The following RCOR1 variants were observed in gnomAD, a reference collection of about 807,000 sequenced individuals.
The protein encoded by RCOR1 is REST corepressor.
RCOR1 carries 12 observed loss-of-function variants against 64.0 expected under a neutral mutation model. That is an observed-to-expected ratio of 0.19 (90% CI 0.12 to 0.30). The LOEUF (loss-of-function observed/expected upper bound fraction) is 0.30. RCOR1 is among the 10% of genes least tolerant of loss of function. The probability of loss-of-function intolerance (pLI) is 1.00; values close to 1 mark genes in which losing one functional copy is unlikely to be tolerated. For missense variants in RCOR1, 502 were observed against 621.2 expected (o/e 0.81, Z 2.04); for synonymous variants, 279 against 227.2 (o/e 1.23, Z -2.05).
intron 2 of RCOR1, among the ~76,000 whole-genome samples, chr14:102,627,526 G>A (rs936636644): frequency 2.1e-4 from 32 of 152,036 alleles, no homozygotes; most frequent in African/African-American, 7.2e-4. Flanking sequence ...GCGTGGTGGC[G>A]GGTGCCTGTA....
At chr14:102,613,742 A>G (rs1893687408) in intron 2 of RCOR1, among the ~76,000 whole-genome samples, 1 of 147,046 alleles carries the variant, frequency 6.8e-6, no homozygotes, top group South Asian at 2.1e-4. Flanking sequence ...TTTTTTAAAG[A>G]GGTGGAGTAT....
rs1298426780 is a variant in RCOR1, at chr14:102,593,054, C to T, written c.168C>T (p.Ala56=). 12 of 1,387,212 alleles carry T rather than the reference C, an allele frequency of 8.7e-6. No homozygotes were observed. Among genetic ancestry groups the T allele is most frequent in the South Asian group, 1.5e-5 (1 of 64,724 alleles). The allele number at this position is 1,387,212 out of a possible 1,614,324, so 85.9% of individuals were successfully genotyped here. ...ASGAAASSAS[A]AAASAAAAPN... is the part of the protein sequence containing the mutation. ...GCGCCGCCGCCTCCTCAGCCTCGGC[C>T]GCCGCCGCCTCAGCCGCCGCCGCCC... The change falls in exon 1 of 12, where the codon GCC becomes GCT. Residue 56 remains alanine, a synonymous_variant. Transcript: ENST00000262241.
chr14:102,651,922 GTC>G (rs1269607338), intron 2 of RCOR1, among the ~76,000 whole-genome samples: 1 of 152,148 alleles, frequency 6.6e-6, no homozygotes, highest in African/African-American at 2.4e-5. Flanking sequence ...GTGGCTGAAG[GTC>G]TCTCAAATTG....
chr14:102,664,327 C>T (rs1018616989), intron 2 of RCOR1, among the ~76,000 whole-genome samples: 9 of 152,042 alleles, frequency 5.9e-5, no homozygotes, highest in African/African-American at 1.7e-4. Flanking sequence ...GTTGTCCAGG[C>T]TGTTCTTGAA....
At chr14:102,632,565 C>A (rs979374814) in intron 2 of RCOR1, among the ~76,000 whole-genome samples, 1 of 151,640 alleles carries the variant, frequency 6.6e-6, no homozygotes, top group Non-Finnish European at 1.5e-5. Flanking sequence ...TTTCTTTTTT[C>A]CCCCCTGCAA....
chr14:102,644,520 C>T (rs1157849366), intron 2 of RCOR1, among the ~76,000 whole-genome samples: 2 of 152,206 alleles, frequency 1.3e-5, no homozygotes, highest in South Asian at 2.1e-4. Flanking sequence ...CTTCTTGTCA[C>T]TTGTGCTCAC....
intron 2 of RCOR1, among the ~76,000 whole-genome samples, chr14:102,607,554 C>T (rs1206114719): frequency 6.6e-6 from 1 of 152,034 alleles, no homozygotes; most frequent in Middle Eastern, 3.4e-3. Flanking sequence ...TGAGACCAGC[C>T]AGGCCAATAT....
intron 6 of RCOR1, among the ~76,000 whole-genome samples, chr14:102,710,166 G>A (rs1895930159): frequency 6.6e-6 from 1 of 152,264 alleles, no homozygotes. Flanking sequence ...GGAGGATGGG[G>A]AGGAGGTGGC....
chr14:102,594,907 C>T (rs1417744185), intron 2 of RCOR1, among the ~76,000 whole-genome samples: 4 of 152,102 alleles, frequency 2.6e-5, no homozygotes, highest in Admixed American at 6.6e-5. Flanking sequence ...AAATCGACTT[C>T]CACAAATCTT....
At chr14:102,627,670 A>AC (rs1555462690) in intron 2 of RCOR1, among the ~76,000 whole-genome samples, 162 of 151,176 alleles carry the variant, frequency 1.1e-3, no homozygotes, top group East Asian at 6.4e-3. Flanking sequence ...AAAAAAAAAA[A>AC]ACACACACAC....
intron 2 of RCOR1, chr14:102,630,191 TTAC>T (rs1894080301): frequency 6.4e-6 from 1 of 157,422 alleles, no homozygotes; most frequent in Admixed American, 6.5e-5. Flanking sequence ...GAGTGAGTTC[TTAC>T]TCCTTTAGTT....
intron 11 of RCOR1, among the ~76,000 whole-genome samples, chr14:102,723,845 C>T (rs993330395): frequency 7.2e-5 from 11 of 152,280 alleles, no homozygotes; most frequent in African/African-American, 2.6e-4. Flanking sequence ...CAGTTGGGAA[C>T]GCTGGCTCTA....
intron 3 of RCOR1, among the ~76,000 whole-genome samples, chr14:102,687,964 CTTT>C (rs10712788): frequency 0.022 from 3,017 of 135,616 alleles, 93 homozygotes; most frequent in African/African-American, 0.072. Context: ...ATAGCATTTC[CTTT>C]TTTTTTTTTT....
At chr14:102,613,127 A>T (rs1455239422) in intron 2 of RCOR1, among the ~76,000 whole-genome samples, 1 of 151,612 alleles carries the variant, frequency 6.6e-6, no homozygotes, top group Non-Finnish European at 1.5e-5. Flanking sequence ...TTTGAGATGG[A>T]GTCTTGCTCT....
At chr14:102,594,573 A>G (rs939091661) in intron 2 of RCOR1, among the ~76,000 whole-genome samples, 2 of 151,970 alleles carry the variant, frequency 1.3e-5, no homozygotes, top group African/African-American at 4.8e-5. Flanking sequence ...GTTGACGTAA[A>G]TCTGTTAAAT....
chr14:102,633,199 C>T (rs1894164641), intron 2 of RCOR1, among the ~76,000 whole-genome samples: 1 of 151,954 alleles, frequency 6.6e-6, no homozygotes, highest in Admixed American at 6.6e-5. Flanking sequence ...TTTTAAAGGT[C>T]TCATCTAGCT....
intron 2 of RCOR1, among the ~76,000 whole-genome samples, chr14:102,638,714 C>G (rs1215774215): frequency 6.6e-6 from 1 of 152,010 alleles, no homozygotes; most frequent in Non-Finnish European, 1.5e-5. Context: ...GTTGTCCAGG[C>G]TGGAGTGCAG....
At chr14:102,643,213 C>T (rs915598714) in intron 2 of RCOR1, 6 of 266,702 alleles carry the variant, frequency 2.2e-5, no homozygotes, top group African/African-American at 9.2e-5. Context: ...ACCCGGGAGG[C>T]GGAGCTTGCA....
At chr14:102,595,032 A>C (rs1029208390) in intron 2 of RCOR1, among the ~76,000 whole-genome samples, 3 of 152,222 alleles carry the variant, frequency 2.0e-5, no homozygotes, top group African/African-American at 7.2e-5. Flanking sequence ...AACAGGAATT[A>C]GATTTCTGAC....
Sources: gnomAD v4.1 joint callset for allele counts (sites outside exome capture counted in the v4.1 genomes callset) on GRCh38, gnomAD v4.1.1 for gene constraint, MANE v1.5 for transcripts, NCBI Gene and HGNC (gene_info 2026-07-23, HGNC 2026-07-21) for gene names.